The following ARMH3 variants were observed in gnomAD, a reference collection of about 807,000 sequenced individuals.
ARMH3 encodes the protein armadillo-like helical domain-containing protein 3.
Under a neutral mutation model 99.1 loss-of-function variants are expected in ARMH3, and 60 were observed. The observed-to-expected ratio is 0.61, with a 90% CI of 0.49 to 0.75. The LOEUF is 0.75. Ranked by LOEUF, ARMH3 falls within the 30% of genes least tolerant of loss-of-function variation. The probability of loss-of-function intolerance (pLI) is 0.00; values close to 1 mark genes in which losing one functional copy is unlikely to be tolerated. For synonymous variants in ARMH3, 285 were observed against 292.8 expected, an observed-to-expected ratio of 0.97 and a Z score of 0.27; for missense variants, 679 against 843.1, an observed-to-expected ratio of 0.81 and a Z score of 2.41.
chr10:101,966,126 A>G (rs1845526432), intron 20 of ARMH3, among the ~76,000 whole-genome samples: 1 of 136,096 alleles, frequency 7.3e-6, no homozygotes, highest in African/African-American at 2.8e-5. Context: ...TTTTTTAGAC[A>G]GAGTCTCACT....
chr10:102,003,443 T>C (rs2136070796), intron 14 of ARMH3, among the ~76,000 whole-genome samples: 1 of 152,326 alleles, frequency 6.6e-6, no homozygotes, highest in South Asian at 2.1e-4. Flanking sequence ...GATTAAGGCA[T>C]GAGCCACTGT....
chr10:101,848,337 G>A (rs994713336), intron 25 of ARMH3, among the ~76,000 whole-genome samples: 1 of 152,142 alleles, frequency 6.6e-6, no homozygotes, highest in African/African-American at 2.4e-5. Flanking sequence ...CCCTAACCCA[G>A]TGTTGCCTGG....
At chr10:101,885,904 A>C in intron 24 of ARMH3, among the ~76,000 whole-genome samples, 1 of 152,166 alleles carries the variant, frequency 6.6e-6, no homozygotes, top group South Asian at 2.1e-4. Context: ...AAAAATACAA[A>C]AAATTAGCTG....
At chr10:101,923,695 AACTAATGCTTGC>A (rs1843391158) in intron 23 of ARMH3, among the ~76,000 whole-genome samples, 1 of 152,220 alleles carries the variant, frequency 6.6e-6, no homozygotes, top group Non-Finnish European at 1.5e-5. Context: ...TCAACAAAAG[AACTAATGCTTGC>A]TACAATCTTA....
Position 101,890,444 on chromosome 10 carries a change from T to C in ARMH3, c.1782-954A>G, listed in dbSNP as rs531368918. On this transcript the variant is annotated intron_variant, in intron 23 of 25. Transcript: ENST00000370033. ...GTATTTTGTTGGTAGAAACACGGTTTTGCCATGTCGCCCAGGCTCAAGCCT... is the reference window on the plus strand; with the variant it reads ...GTATTTTGTTGGTAGAAACACGGTTCTGCCATGTCGCCCAGGCTCAAGCCT... Among the ~76,000 whole-genome samples, 3 of 152,158 alleles carry C rather than the reference T, an allele frequency of 2.0e-5. No individual in the cohort carries two copies. In the South Asian group the frequency reaches 6.2e-4, roughly 32 times the overall value.
At chr10:102,025,033 G>A (rs1041297974) in intron 6 of ARMH3, 123 bp downstream of exon 6, 24 of 776,098 alleles carry the variant, frequency 3.1e-5, no homozygotes, top group Non-Finnish European at 4.5e-5. Flanking sequence ...AGACACGAGG[G>A]AGTGATGTAA....
intron 19 of ARMH3, among the ~76,000 whole-genome samples, chr10:101,983,071 C>G (rs1846302664): frequency 6.6e-6 from 1 of 151,976 alleles, no homozygotes; most frequent in Non-Finnish European, 1.5e-5. Context: ...ACATACAACT[C>G]CTAAAATCCT....
At chr10:101,943,049 G>T (rs1590059170) in intron 22 of ARMH3, among the ~76,000 whole-genome samples, 2 of 152,256 alleles carry the variant, frequency 1.3e-5, no homozygotes, top group Middle Eastern at 6.8e-3. Flanking sequence ...CCCTACAACT[G>T]CCCTGCAGAA....
At chr10:101,971,614 G>A (rs1402810260) in intron 20 of ARMH3, among the ~76,000 whole-genome samples, 2 of 152,122 alleles carry the variant, frequency 1.3e-5, no homozygotes, top group Non-Finnish European at 2.9e-5. Flanking sequence ...GTGAGAACAG[G>A]ATTAATTGGG....
In ARMH3 at chr10:101,847,480, G is replaced by C; in HGVS notation, c.*48C>G. On this transcript the variant is annotated 3_prime_UTR_variant, in exon 26 of 26. Transcript: ENST00000370033. ...TCCCCTCGCTCCCCCTCCAGCCCAT[G>C]ATCCTCATGGGTAAGGGCAGTCAGA... The C allele has an allele frequency of 6.3e-7, 1 of 1,578,166 alleles. No individual in the cohort carries two copies. Among genetic ancestry groups the C allele is most frequent in the Non-Finnish European group, 8.7e-7 (1 of 1,147,636 alleles).
At chr10:102,028,216 A>G (rs2067043071) in intron 5 of ARMH3, among the ~76,000 whole-genome samples, 1 of 152,174 alleles carries the variant, frequency 6.6e-6, no homozygotes. Context: ...CATGTGACCC[A>G]GCAATTCTAC....
At chr10:101,982,030 A>AG (rs1287376673) in intron 19 of ARMH3, among the ~76,000 whole-genome samples, 2 of 150,916 alleles carry the variant, frequency 1.3e-5, no homozygotes, top group African/African-American at 4.9e-5. Flanking sequence ...TCAAAAAAAA[A>AG]AAAAAAAAAA....
intron 22 of ARMH3, among the ~76,000 whole-genome samples, chr10:101,950,975 A>G (rs563763621): frequency 2.0e-5 from 3 of 152,354 alleles, no homozygotes; most frequent in African/African-American, 7.2e-5. Flanking sequence ...TAAAGCTGTC[A>G]TATTAAAAAA....
rs571292907 is a variant in ARMH3, at chr10:102,030,640, C to T, written c.307-895G>A. 5.9e-5 allele frequency among the ~76,000 whole-genome samples: 9 copies of T among 152,164 alleles called. No individual in the cohort carries two copies. In the East Asian group the frequency reaches 1.4e-3, roughly 23 times the overall value. On this transcript the variant is annotated intron_variant, in intron 4 of 25. Coordinates refer to ENST00000370033, the MANE Select transcript of ARMH3 (RefSeq NM_024541.3). Reference sequence around the variant, plus strand: ...CAGGAGAATCCTTGAACCCAGGAGACGGATGTTGCAGTGAGCCGAGATCGC... The same window carrying T: ...CAGGAGAATCCTTGAACCCAGGAGATGGATGTTGCAGTGAGCCGAGATCGC...
At chr10:102,003,230 T>G (rs2066408780) in intron 14 of ARMH3, among the ~76,000 whole-genome samples, 1 of 151,876 alleles carries the variant, frequency 6.6e-6, no homozygotes, top group Non-Finnish European at 1.5e-5. Context: ...TGGTGCCATC[T>G]CAGCTCACTG....
At position 101,954,559 on chromosome 10, in the gene ARMH3, T is replaced by G. The variant is rs184987223; in HGVS notation, c.1705+2038A>C. 2.0e-3 allele frequency among the ~76,000 whole-genome samples: 307 copies of G among 152,332 alleles called. 4 individuals carry two copies. The highest frequency in any genetic ancestry group is 7.1e-3 in the African/African-American group (297 of 41,568). The stretch of plus-strand genomic sequence containing the variant: ...AGGAGGTGACCTCATATGAAATTTT[T>G]TGGATAGTGAAACTCTTCTATATCT... On this transcript the variant is annotated intron_variant, in intron 22 of 25. Coordinates refer to ENST00000370033, the MANE Select transcript of ARMH3 (RefSeq NM_024541.3).
chr10:101,995,425 AG>A, intron 15 of ARMH3, 70 bp from the exon 16 acceptor site: 1 of 1,269,978 alleles, frequency 7.9e-7, no homozygotes, highest in Non-Finnish European at 1.1e-6. Flanking sequence ...ATACAGAACA[AG>A]GACGTATATC....
chr10:101,874,725 G>A (rs11191139), intron 24 of ARMH3, among the ~76,000 whole-genome samples: 1 of 152,170 alleles, frequency 6.6e-6, no homozygotes, highest in Non-Finnish European at 1.5e-5. Context: ...AAGAATGAGA[G>A]ATACTACATG....
chr10:101,928,057 C>T (rs1035397311), intron 23 of ARMH3, among the ~76,000 whole-genome samples: 1 of 151,834 alleles, frequency 6.6e-6, no homozygotes, highest in Non-Finnish European at 1.5e-5. Context: ...CTGGGCAGAG[C>T]GAGACTGTCT....
Sources: gnomAD v4.1 joint callset for allele counts (sites outside exome capture counted in the v4.1 genomes callset) on GRCh38, gnomAD v4.1.1 for gene constraint, MANE v1.5 for transcripts, NCBI Gene and HGNC (gene_info 2026-07-23, HGNC 2026-07-21) for gene names.